STK32B: variants seen among roughly 807,000 people sequenced by gnomAD.
STK32B encodes serine/threonine-protein kinase 32B.
STK32B carries 43 observed loss-of-function variants against 52.6 expected under a neutral mutation model. The observed-to-expected ratio is 0.82, with a 90% CI of 0.64 to 1.05. The LOEUF (loss-of-function observed/expected upper bound fraction) is 1.05. STK32B is among the 50% of genes least tolerant of loss of function. The pLI, the probability that STK32B is intolerant of heterozygous loss-of-function variation, is 0.00. For synonymous variants in STK32B, 238 were observed against 204.3 expected (o/e 1.17, Z -1.41); for missense variants, 621 against 534.6 (o/e 1.16, Z -1.59).
At chr4:5,325,867 T>C (rs1020285060) in intron 3 of STK32B, among the ~76,000 whole-genome samples, 17 of 152,158 alleles carry the variant, frequency 1.1e-4, no homozygotes, top group African/African-American at 4.1e-4. Context: ...AAAGGGACAA[T>C]GTCACAAAGC....
intron 11 of STK32B, among the ~76,000 whole-genome samples, chr4:5,492,888 G>C (rs1304869853): frequency 6.6e-6 from 1 of 150,732 alleles, no homozygotes; most frequent in African/African-American, 2.5e-5. Flanking sequence ...TTATTGATTT[G>C]CGTATATTGA....
intron 6 of STK32B, among the ~76,000 whole-genome samples, chr4:5,436,253 C>A (rs557563497): frequency 6.6e-4 from 101 of 152,314 alleles, no homozygotes; most frequent in African/African-American, 2.4e-3. Context: ...GTGAACATCA[C>A]CAAAGCACAT....
At chr4:5,151,524 C>G (rs189200461) in intron 2 of STK32B, among the ~76,000 whole-genome samples, 211 of 152,354 alleles carry the variant, frequency 1.4e-3, no homozygotes, top group African/African-American at 4.8e-3. Flanking sequence ...AATCTTTTCA[C>G]TGTCATGCTG....
intron 4 of STK32B, among the ~76,000 whole-genome samples, chr4:5,352,635 C>T (rs1733904936): frequency 1.3e-5 from 2 of 149,960 alleles, no homozygotes; most frequent in Admixed American, 6.6e-5. Flanking sequence ...AAAAAAACGT[C>T]CAAACTAAAA....
At chr4:5,144,600 G>C (rs1259891408) in intron 2 of STK32B, among the ~76,000 whole-genome samples, 2 of 152,156 alleles carry the variant, frequency 1.3e-5, no homozygotes, top group African/African-American at 2.4e-5. Flanking sequence ...GTGGGATAAG[G>C]CCTGGCAAGA....
At chr4:5,375,973 C>G (rs1735561911) in intron 4 of STK32B, among the ~76,000 whole-genome samples, 2 of 152,166 alleles carry the variant, frequency 1.3e-5, no homozygotes, top group Non-Finnish European at 2.9e-5. Context: ...CCACCTCCAC[C>G]CTCATCTCTG....
chr4:5,034,448 C>T, the STK32B span, among the ~76,000 whole-genome samples: 1 of 152,176 alleles, frequency 6.6e-6, no homozygotes, highest in Non-Finnish European at 1.5e-5. Flanking sequence ...ATTCTATGCG[C>T]TCCCCTCCCT....
At chr4:5,391,541 G>C (rs543722960) in intron 4 of STK32B, among the ~76,000 whole-genome samples, 7 of 152,286 alleles carry the variant, frequency 4.6e-5, no homozygotes, top group African/African-American at 1.4e-4. Flanking sequence ...CCTGAAACCT[G>C]GGTCAGAGTT....
chr4:5,340,841 C>A (rs567428052), intron 4 of STK32B, among the ~76,000 whole-genome samples: 1 of 152,214 alleles, frequency 6.6e-6, no homozygotes, highest in African/African-American at 2.4e-5. Context: ...TATAAACACC[C>A]ACACATATAT....
At chr4:5,127,558 A>G (rs1367692768) in intron 1 of STK32B, among the ~76,000 whole-genome samples, 1 of 152,170 alleles carries the variant, frequency 6.6e-6, no homozygotes, top group Non-Finnish European at 1.5e-5. Context: ...ATGCGACCAT[A>G]TTTGGAAATA....
chr4:5,105,802 A>C (rs915039333), intron 1 of STK32B, among the ~76,000 whole-genome samples: 2 of 151,694 alleles, frequency 1.3e-5, no homozygotes, highest in African/African-American at 4.8e-5. Context: ...TGACCTAGTG[A>C]TCCACCCGCC....
chr4:5,489,621 A>ATTTATTTTTTTTTTTTTT, intron 11 of STK32B, among the ~76,000 whole-genome samples: 1 of 151,590 alleles, frequency 6.6e-6, no homozygotes, highest in East Asian at 2.0e-4. Flanking sequence ...TATTTTATTT[A>ATTTATTTTTTTTTTTTTT]TTTTTTATTA....
In STK32B at chr4:5,226,602, G is replaced by C. The variant is rs78477895; in HGVS notation, c.260+58152G>C. Among the ~76,000 whole-genome samples, 99 of 152,236 alleles carry C rather than the reference G, an allele frequency of 6.5e-4. No individual in the cohort carries two copies. The East Asian group carries it at 0.017, about 26-fold the overall frequency. On this transcript the variant is annotated intron_variant, in intron 3 of 11. Coordinates refer to ENST00000282908, the MANE Select transcript of STK32B (RefSeq NM_018401.3). ...TCATTAGTCACTTAGGAGCAGTCTT[G>C]GTTAGCAGATCAACTGTCAGAGTTT...
chr4:5,132,254 T>C (rs1313348829), intron 1 of STK32B, among the ~76,000 whole-genome samples: 1 of 152,216 alleles, frequency 6.6e-6, no homozygotes, highest in East Asian at 1.9e-4. Context: ...TATGTCTTTA[T>C]AGTATGATTT....
intron 3 of STK32B, among the ~76,000 whole-genome samples, chr4:5,176,058 C>G (rs907158038): frequency 2.6e-5 from 4 of 152,228 alleles, no homozygotes; most frequent in Non-Finnish European, 5.9e-5. Context: ...GACTGCTGTG[C>G]TAGCAATGAG....
chr4:5,446,412 C>T (rs1012785848), intron 6 of STK32B, among the ~76,000 whole-genome samples: 2 of 152,006 alleles, frequency 1.3e-5, no homozygotes, highest in African/African-American at 4.8e-5. Context: ...CTAAAAATAT[C>T]ACAATTAGCC....
chr4:5,260,720 G>A (rs945689203), intron 3 of STK32B, among the ~76,000 whole-genome samples: 6 of 152,192 alleles, frequency 3.9e-5, no homozygotes, highest in African/African-American at 1.4e-4. Flanking sequence ...GAAGTAGCCT[G>A]TGTTGCAAGT....
chr4:5,296,726 G>C (rs1340043156), intron 3 of STK32B, among the ~76,000 whole-genome samples: 1 of 152,158 alleles, frequency 6.6e-6, no homozygotes, highest in East Asian at 1.9e-4. Context: ...CAATTTGCCA[G>C]TCTGTGCCTT....
At position 5,453,990 on chromosome 4, in the gene STK32B, T is replaced by G. The variant is rs1231010950; in HGVS notation, c.667-2817T>G. Among the ~76,000 whole-genome samples, 1 of 152,090 alleles carries G rather than the reference T, an allele frequency of 6.6e-6. No individual in the cohort carries two copies. Among genetic ancestry groups the G allele is most frequent in the Non-Finnish European group, 1.5e-5 (1 of 68,018 alleles). ...GCTCTGGGTCTCCTGTCCCTGCCCCTGTGGAAATTATAGAGAACTGCCCTT... is the reference window on the plus strand; with the variant it reads ...GCTCTGGGTCTCCTGTCCCTGCCCCGGTGGAAATTATAGAGAACTGCCCTT... On this transcript the variant is annotated intron_variant, in intron 7 of 11. Transcript: ENST00000282908. The surrounding 1 kb of genome is among the most constrained non-coding windows in gnomAD (Gnocchi z 4.0).
Sources: allele counts gnomAD v4.1 joint callset (sites outside exome capture counted in the v4.1 genomes callset), GRCh38; gene constraint gnomAD v4.1.1; non-coding constraint Gnocchi (gnomAD v3.1); transcripts MANE v1.5; gene names NCBI Gene and HGNC (gene_info 2026-07-23, HGNC 2026-07-21).